N4BP2L2: variants seen among roughly 807,000 people sequenced by gnomAD.
The protein encoded by N4BP2L2 is NEDD4-binding protein 2-like 2.
N4BP2L2 carries 50 observed loss-of-function variants against 56.2 expected under a neutral mutation model. That is an observed-to-expected ratio of 0.89 (90% CI 0.71 to 1.13). The LOEUF (loss-of-function observed/expected upper bound fraction) is 1.13. Ranked by LOEUF, N4BP2L2 falls within the 50% of genes most tolerant of loss-of-function variation. The pLI is 0.00. For synonymous variants in N4BP2L2, 203 were observed against 223.6 expected (o/e 0.91, Z 0.82); for missense variants, 689 against 693.8 (o/e 0.99, Z 0.08).
chr13:32,473,365 T>G (rs145182683), intron 6 of N4BP2L2, among the ~76,000 whole-genome samples: 18 of 152,294 alleles, frequency 1.2e-4, no homozygotes, highest in African/African-American at 4.3e-4. Flanking sequence ...AAATTTATTT[T>G]TAAAAACAAC....
chr13:32,434,505 AG>A (rs1015821522), intron 9 of N4BP2L2, among the ~76,000 whole-genome samples: 117 of 152,262 alleles, frequency 7.7e-4, no homozygotes, highest in African/African-American at 2.6e-3. Flanking sequence ...TCCTCTGTTT[AG>A]GGTCACACAC....
intron 6 of N4BP2L2, among the ~76,000 whole-genome samples, chr13:32,465,756 C>T (rs919276632): frequency 4.6e-5 from 7 of 152,026 alleles, no homozygotes; most frequent in Non-Finnish European, 8.8e-5. Context: ...TGACTTCAAG[C>T]GATTCTCCTG....
intron 9 of N4BP2L2, among the ~76,000 whole-genome samples, chr13:32,434,579 C>A (rs969674835): frequency 6.6e-6 from 1 of 152,062 alleles, no homozygotes; most frequent in African/African-American, 2.4e-5. Flanking sequence ...GCCCCACTGC[C>A]GTAAAGGAGT....
At position 32,452,265 on chromosome 13, in the gene N4BP2L2, T is replaced by C. The variant is rs558514018; in HGVS notation, c.366-8139A>G. 2.5e-3 allele frequency among the ~76,000 whole-genome samples: 374 copies of C among 152,242 alleles called. 2 individuals carry two copies. The highest frequency in any genetic ancestry group is 8.1e-3 in the African/African-American group (338 of 41,526). ...CAGTAGAGACGGGGTTTCTCTATGT[T>C]GGTCAGGCTGGTCTTGAACTCCCGA... is the stretch of plus-strand genomic sequence containing the variant. On this transcript the variant is annotated intron_variant, in intron 6 of 9. Coordinates refer to the N4BP2L2 transcript ENST00000357505.
intron 6 of N4BP2L2, chr13:32,478,154 C>A (rs2083741079): frequency 2.2e-6 from 2 of 927,110 alleles, no homozygotes; most frequent in South Asian, 1.7e-5. Context: ...CATTCAATCT[C>A]AACGAAGAAC....
exon 2 of N4BP2L2, chr13:32,536,013 C>T (rs371270849): frequency 6.2e-7 from 1 of 1,613,818 alleles, no homozygotes; most frequent in Non-Finnish European, 8.5e-7. Flanking sequence ...TCACTACAGT[C>T]AGTATATTCA....
intron 6 of N4BP2L2, among the ~76,000 whole-genome samples, chr13:32,489,823 T>C (rs2086672230): frequency 6.6e-6 from 1 of 151,598 alleles, no homozygotes; most frequent in Non-Finnish European, 1.5e-5. Context: ...CACAATACAT[T>C]GGCAACATTG....
chr13:32,455,172 C>T (rs572207121), intron 6 of N4BP2L2, among the ~76,000 whole-genome samples: 8 of 152,192 alleles, frequency 5.3e-5, no homozygotes, highest in Admixed American at 2.0e-4. Context: ...GAAATATCCC[C>T]CCACATCTAT....
chr13:32,508,166 C>G (rs2091247112), downstream of N4BP2L2: 1 of 151,934 alleles, frequency 6.6e-6, no homozygotes, highest in South Asian at 2.1e-4. Flanking sequence ...ATTCTGGAGA[C>G]CTTAATCAAT....
In N4BP2L2 at chr13:32,443,325, A is replaced by C. The variant is rs760955837; in HGVS notation, c.1167T>G (p.Asp389Glu). ...CAGGACCAGCCAACTTACATGCTCT[A>C]TCTTTCTTTGGTCTCTGTTCACATA... Residue 389 changes from aspartate to glutamate, a missense_variant, in exon 7 of 10, where the codon GAT becomes GAG. Physicochemically the swap from Asp to Glu is conservative, Grantham distance 45. Coordinates refer to the N4BP2L2 transcript ENST00000357505. The C allele has an allele frequency of 2.5e-5, 41 of 1,613,810 alleles. 1 individual carries two copies. In the South Asian group the frequency reaches 4.2e-4, roughly 16 times the overall value.
chr13:32,500,704 G>A (rs562319773), intron 6 of N4BP2L2, among the ~76,000 whole-genome samples: 10 of 149,932 alleles, frequency 6.7e-5, no homozygotes, highest in Admixed American at 1.3e-4. Context: ...GGTGACAGAC[G>A]GAAACCGTGT....
exon 7 of N4BP2L2, chr13:32,443,075 T>C (rs751717452): frequency 1.9e-6 from 3 of 1,606,896 alleles, no homozygotes; most frequent in Admixed American, 3.4e-5. Flanking sequence ...CTTTTCTTCC[T>C]CCTTTTCTTA....
At chr13:32,445,812 C>T (rs1469584359) in intron 6 of N4BP2L2, among the ~76,000 whole-genome samples, 2 of 152,182 alleles carry the variant, frequency 1.3e-5, no homozygotes, top group African/African-American at 4.8e-5. Flanking sequence ...GTTCATAGCT[C>T]CCTTTAACGG....
At chr13:32,480,689 T>G (rs1456009988) in intron 6 of N4BP2L2, 1 of 1,071,472 alleles carries the variant, frequency 9.3e-7, no homozygotes, top group African/African-American at 1.6e-5. Context: ...TAAAGTGCTT[T>G]CATAAACATC....
At chr13:32,494,279 T>A (rs888117362) in intron 6 of N4BP2L2, among the ~76,000 whole-genome samples, 1 of 151,770 alleles carries the variant, frequency 6.6e-6, no homozygotes, top group African/African-American at 2.4e-5. Flanking sequence ...TGAGACTCGG[T>A]CTAAAAAATT....
At position 32,502,608 on chromosome 13, in the gene N4BP2L2, G is replaced by C. The variant is rs866638897; in HGVS notation, c.365+15249C>G. On this transcript the variant is annotated intron_variant, in intron 6 of 9. Coordinates refer to the N4BP2L2 transcript ENST00000357505. Reference sequence around the variant, plus strand: ...AAAGGCATAATCATTTAATTATGAGGAAAAGTTTCAGAAAATTAAGTGACT... The same window carrying C: ...AAAGGCATAATCATTTAATTATGAGCAAAAGTTTCAGAAAATTAAGTGACT... Among the ~76,000 whole-genome samples the C allele has an allele frequency of 2.0e-5, 3 of 152,262 alleles. No homozygotes were observed. In the South Asian group the frequency reaches 6.2e-4, roughly 32 times the overall value.
intron 5 of N4BP2L2, among the ~76,000 whole-genome samples, chr13:32,518,952 G>T (rs2049987670): frequency 6.6e-6 from 1 of 152,178 alleles, no homozygotes; most frequent in East Asian, 1.9e-4. Flanking sequence ...TCTGTAACTT[G>T]ACCTGGACAT....
chr13:32,446,563 G>A (rs547608049), intron 6 of N4BP2L2: 35 of 1,266,292 alleles, frequency 2.8e-5, no homozygotes, highest in East Asian at 1.1e-4. Flanking sequence ...TACTAATGAC[G>A]TAAGAGACTC....
At position 32,536,725 on chromosome 13, in the gene N4BP2L2, A is replaced by G. The variant is rs545822873; in HGVS notation, c.303T>C (p.Val101=). The change falls in exon 2 of 6, where the codon GTT becomes GTC. Residue 101 remains valine (V), a synonymous_variant. Transcript: ENST00000267068. ...CTAATGGAGGACGTGCTTCCTGTAA[A>G]ACCTGTGAATCAATGGATTCAATAA... is the stretch of plus-strand genomic sequence containing the variant. 7.6e-5 allele frequency: 122 copies of G among 1,614,128 alleles called. 3 individuals carry two copies. The South Asian group carries it at 1.3e-3, about 18-fold the overall frequency.
Sources: allele counts gnomAD v4.1 joint callset (sites outside exome capture counted in the v4.1 genomes callset), GRCh38; gene constraint gnomAD v4.1.1; transcripts MANE v1.5; gene names NCBI Gene and HGNC (gene_info 2026-07-23, HGNC 2026-07-21).